IMPG1: variants seen among roughly 807,000 people sequenced by gnomAD.
The protein encoded by IMPG1 is interphotoreceptor matrix proteoglycan of 150 kDa.
Under a neutral mutation model 92.0 loss-of-function variants are expected in IMPG1, and 85 were observed. The observed-to-expected ratio is 0.92, with a 90% CI of 0.78 to 1.11. The LOEUF is 1.11. Among genes scored for constraint, IMPG1 ranks in the 50% least tolerant of loss-of-function variants. IMPG1 has a pLI of 0.00. For synonymous variants in IMPG1, 367 were observed against 334.1 expected (o/e 1.10, Z -1.08); for missense variants, 1,022 against 956.0 (o/e 1.07, Z -0.91).
At chr6:76,007,023 C>T (rs557608809) in intron 9 of IMPG1, among the ~76,000 whole-genome samples, 1 of 152,146 alleles carries the variant, frequency 6.6e-6, no homozygotes, top group Non-Finnish European at 1.5e-5. Flanking sequence ...TATTACTGAG[C>T]TCTCCAAGGT....
At chr6:76,050,259 G>A (rs1784017437) in intron 1 of IMPG1, among the ~76,000 whole-genome samples, 2 of 152,042 alleles carry the variant, frequency 1.3e-5, no homozygotes, top group South Asian at 4.1e-4. Context: ...GGCCAACATG[G>A]TGAAAACCCA....
intron 4 of IMPG1, among the ~76,000 whole-genome samples, chr6:76,032,971 T>C (rs1783676446): frequency 1.3e-5 from 2 of 152,252 alleles, no homozygotes; most frequent in African/African-American, 2.4e-5. Flanking sequence ...AACAGATGAC[T>C]CTCTCATAGT....
At chr6:76,014,087 A>G (rs1363868115) in intron 7 of IMPG1, among the ~76,000 whole-genome samples, 1 of 152,176 alleles carries the variant, frequency 6.6e-6, no homozygotes, top group African/African-American at 2.4e-5. Context: ...CAAGATCCTG[A>G]GTTTATTGCT....
At chr6:76,002,470 T>C (rs751113992) in intron 12 of IMPG1, among the ~76,000 whole-genome samples, 11 of 152,222 alleles carry the variant, frequency 7.2e-5, no homozygotes, top group South Asian at 6.2e-4. Context: ...CCTGTATCCA[T>C]AGTCAGCATG....
chr6:76,069,308 G>C (rs1441640692), intron 1 of IMPG1, among the ~76,000 whole-genome samples: 1 of 152,080 alleles, frequency 6.6e-6, no homozygotes, highest in South Asian at 2.1e-4. Context: ...CTGGACATTA[G>C]CCTACACAAA....
chr6:76,059,331 G>C (rs74543003), intron 1 of IMPG1, among the ~76,000 whole-genome samples: 3,890 of 151,988 alleles, frequency 0.026, 138 homozygotes, highest in African/African-American at 0.086. Context: ...TAAACTTAGA[G>C]TTTGGTCATG....
intron 12 of IMPG1, among the ~76,000 whole-genome samples, chr6:75,992,829 T>C (rs2149473693): frequency 6.6e-6 from 1 of 152,316 alleles, no homozygotes; most frequent in Middle Eastern, 3.4e-3. Context: ...CTCCTTTCTC[T>C]TCACGAAAGT....
intron 8 of IMPG1, among the ~76,000 whole-genome samples, chr6:76,009,213 A>G (rs1783145212): frequency 6.6e-6 from 1 of 152,216 alleles, no homozygotes; most frequent in African/African-American, 2.4e-5. Flanking sequence ...ACAAGACTGC[A>G]TGATTGTTAA....
chr6:76,042,148 C>T, intron 1 of IMPG1, 22 bp from the exon 2 acceptor site: 6 of 1,181,986 alleles, frequency 5.1e-6, no homozygotes, highest in South Asian at 1.2e-5. Context: ...AGATTGATAT[C>T]CTGGTGAATA....
intron 14 of IMPG1, among the ~76,000 whole-genome samples, chr6:75,942,874 C>T (rs1389494718): frequency 2.6e-5 from 4 of 152,130 alleles, no homozygotes. Flanking sequence ...GTATGTATTT[C>T]CTCAGACTAA....
chr6:76,047,617 A>G (rs181665993), intron 1 of IMPG1, among the ~76,000 whole-genome samples: 11 of 152,304 alleles, frequency 7.2e-5, no homozygotes, highest in African/African-American at 2.6e-4. Context: ...TCCCCTCTCC[A>G]GTTCACCTTG....
chr6:75,967,146 C>A (rs1451987300), intron 12 of IMPG1, among the ~76,000 whole-genome samples: 1 of 151,880 alleles, frequency 6.6e-6, no homozygotes, highest in Non-Finnish European at 1.5e-5. Flanking sequence ...CCATTGCACT[C>A]CAGCCTGGGT....
chr6:76,068,510 C>CT (rs1160277573), intron 1 of IMPG1, among the ~76,000 whole-genome samples: 66,757 of 110,030 alleles, frequency 0.61, 20,843 homozygotes, highest in East Asian at 0.67. Context: ...AATGTCCATA[C>CT]TTTTTTTTTT....
intron 12 of IMPG1, among the ~76,000 whole-genome samples, chr6:75,954,809 C>T (rs1782090064): frequency 6.6e-6 from 1 of 152,058 alleles, no homozygotes; most frequent in Non-Finnish European, 1.5e-5. Context: ...AAAAAGGGGT[C>T]CAGTTTCAGT....
At chr6:75,976,994 G>A (rs1782548147) in intron 12 of IMPG1, among the ~76,000 whole-genome samples, 1 of 151,922 alleles carries the variant, frequency 6.6e-6, no homozygotes, top group African/African-American at 2.4e-5. Context: ...GAATGGGTGT[G>A]TTTGAAAAAC....
chr6:76,020,420 T>C (rs1167747244), intron 6 of IMPG1, among the ~76,000 whole-genome samples: 1 of 152,212 alleles, frequency 6.6e-6, no homozygotes, highest in Non-Finnish European at 1.5e-5. Context: ...TGTGGCCTAA[T>C]GGGCAGATAG....
intron 14 of IMPG1, among the ~76,000 whole-genome samples, chr6:75,936,463 C>T (rs1365210843): frequency 6.6e-6 from 1 of 152,172 alleles, no homozygotes; most frequent in Non-Finnish European, 1.5e-5. Context: ...TGATAAATAG[C>T]ACATAGCACA....
intron 12 of IMPG1, among the ~76,000 whole-genome samples, chr6:75,954,536 G>A (rs1278925034): frequency 6.6e-6 from 1 of 152,032 alleles, no homozygotes; most frequent in Non-Finnish European, 1.5e-5. Flanking sequence ...TGGATAGATT[G>A]CCAAAATTTT....
At chr6:76,071,130 T>C (rs1187910181) in intron 1 of IMPG1, among the ~76,000 whole-genome samples, 2 of 148,522 alleles carry the variant, frequency 1.3e-5, no homozygotes, top group African/African-American at 4.9e-5. Context: ...TATGTATATG[T>C]AATACATTAG....
Sources: gnomAD v4.1 joint callset for allele counts (sites outside exome capture counted in the v4.1 genomes callset) on GRCh38, gnomAD v4.1.1 for gene constraint, MANE v1.5 for transcripts, NCBI Gene and HGNC (gene_info 2026-07-23, HGNC 2026-07-21) for gene names.